The following ASAP2 variants were observed in gnomAD, a reference collection of about 807,000 sequenced individuals.
The protein encoded by ASAP2 is ArfGAP with SH3 domain, ankyrin repeat and PH domain 2, also known as arf-GAP with SH3 domain, ANK repeat and PH domain-containing protein 2.
ASAP2 carries 45 observed loss-of-function variants against 131.4 expected under a neutral mutation model. The ratio of observed to expected loss-of-function variants is 0.34; its 90% CI spans 0.27 to 0.44. The LOEUF (loss-of-function observed/expected upper bound fraction) is 0.44. ASAP2 is among the 20% of genes least tolerant of loss of function. The pLI is 1.00. For missense variants in ASAP2, 1,011 were observed against 1,297.0 expected, an observed-to-expected ratio of 0.78 and a Z score of 3.39; for synonymous variants, 510 against 503.0, an observed-to-expected ratio of 1.01 and a Z score of -0.19.
At chr2:9,258,209 C>G (rs1052170664) in intron 1 of ASAP2, among the ~76,000 whole-genome samples, 2 of 148,340 alleles carry the variant, frequency 1.3e-5, no homozygotes, top group African/African-American at 5.0e-5. Context: ...TGTGGGGGCT[C>G]ACGCCTGGCT....
chr2:9,255,018 G>C (rs1401802447), intron 1 of ASAP2, among the ~76,000 whole-genome samples: 3 of 152,216 alleles, frequency 2.0e-5, no homozygotes, highest in African/African-American at 7.2e-5. Flanking sequence ...ATTTTCCAAA[G>C]TGGCTGCATC....
At chr2:9,369,870 C>T (rs749702782) in intron 16 of ASAP2, among the ~76,000 whole-genome samples, 1 of 151,972 alleles carries the variant, frequency 6.6e-6, no homozygotes, top group Non-Finnish European at 1.5e-5. Context: ...TTTTCCCCTT[C>T]AAGACCTCTT....
At chr2:9,261,445 G>T (rs1018695735) in intron 1 of ASAP2, among the ~76,000 whole-genome samples, 1 of 152,218 alleles carries the variant, frequency 6.6e-6, no homozygotes, top group African/African-American at 2.4e-5. Flanking sequence ...ACAAGTGGTT[G>T]TAAATATTGC....
intron 1 of ASAP2, among the ~76,000 whole-genome samples, chr2:9,270,942 G>C (rs1227691595): frequency 6.6e-6 from 1 of 151,476 alleles, no homozygotes; most frequent in Non-Finnish European, 1.5e-5. Flanking sequence ...ACAGGTGCCC[G>C]CCACTACGCC....
At chr2:9,210,552 A>G (rs1661457109) in intron 1 of ASAP2, among the ~76,000 whole-genome samples, 1 of 151,780 alleles carries the variant, frequency 6.6e-6, no homozygotes, top group African/African-American at 2.4e-5. Flanking sequence ...TGTATCTGTT[A>G]ACCCATGTGT....
chr2:9,253,710 C>T (rs1572260743), intron 1 of ASAP2, among the ~76,000 whole-genome samples: 1 of 152,066 alleles, frequency 6.6e-6, no homozygotes, highest in East Asian at 1.9e-4. Flanking sequence ...ACCTAGTGCC[C>T]TGGAGATTAC....
intron 16 of ASAP2, among the ~76,000 whole-genome samples, chr2:9,369,141 C>A (rs958851242): frequency 2.0e-5 from 3 of 152,072 alleles, no homozygotes; most frequent in Non-Finnish European, 4.4e-5. Context: ...GCCTCAGCCT[C>A]CCAAGTAGCT....
intron 1 of ASAP2, among the ~76,000 whole-genome samples, chr2:9,211,110 G>A (rs957016197): frequency 1.1e-4 from 16 of 151,766 alleles, no homozygotes; most frequent in African/African-American, 3.4e-4. Flanking sequence ...AGTCGAGATC[G>A]TGCCATTGCA....
At position 9,289,404 on chromosome 2, in the gene ASAP2, T is replaced by C. The variant is rs13421131; in HGVS notation, c.200-7896T>C. Among the ~76,000 whole-genome samples the C allele has an allele frequency of 5.6e-3, 854 of 152,334 alleles. 8 individuals carry two copies. The highest frequency in any genetic ancestry group is 0.015 in the African/African-American group (631 of 41,564). ...GTGTTCATTAGTGCTTGCTGGAGAATAGACTTTCAGTGTGATTGGATTTTA... is the reference window on the plus strand; with the variant it reads ...GTGTTCATTAGTGCTTGCTGGAGAACAGACTTTCAGTGTGATTGGATTTTA... On this transcript the variant is annotated intron_variant, in intron 2 of 27. Transcript: ENST00000281419.
At chr2:9,235,281 C>T (rs2148044825) in intron 1 of ASAP2, among the ~76,000 whole-genome samples, 1 of 152,242 alleles carries the variant, frequency 6.6e-6, no homozygotes, top group East Asian at 1.9e-4. Flanking sequence ...ACCAGTGTGG[C>T]AGGGATGGAG....
At chr2:9,301,567 C>T (rs13429635) in intron 3 of ASAP2, among the ~76,000 whole-genome samples, 1 of 152,164 alleles carries the variant, frequency 6.6e-6, no homozygotes, top group Non-Finnish European at 1.5e-5. Flanking sequence ...GGGCAGGTTT[C>T]TGAAAGGTTT....
chr2:9,232,432 A>G lies in ASAP2; in HGVS notation c.126+25202A>G, dbSNP rs1223261213. Among the ~76,000 whole-genome samples, 1 of 152,214 alleles carries G rather than the reference A, an allele frequency of 6.6e-6. No homozygotes were observed. The highest frequency in any genetic ancestry group is 2.4e-5 in the African/African-American group (1 of 41,464). Reference sequence around the variant, plus strand: ...GTACCCCTTTCGCAGCTGACTGTCCACATTATACTGTCTGTATCTGTTATT... The same window carrying G: ...GTACCCCTTTCGCAGCTGACTGTCCGCATTATACTGTCTGTATCTGTTATT... On this transcript the variant is annotated intron_variant, in intron 1 of 27. Transcript: ENST00000281419. This position sits in a 1 kb window ranked among gnomAD's most constrained non-coding sequence, Gnocchi z 4.1.
intron 1 of ASAP2, among the ~76,000 whole-genome samples, chr2:9,230,654 G>A (rs940231726): frequency 2.0e-5 from 3 of 152,226 alleles, no homozygotes; most frequent in African/African-American, 7.2e-5. Flanking sequence ...GCTGCTTGGC[G>A]AGGAGGACGG....
chr2:9,401,674 T>A lies in ASAP2; in HGVS notation c.2946+278T>A, dbSNP rs193110146. Among the ~76,000 whole-genome samples, 45 of 152,256 alleles carry A rather than the reference T, an allele frequency of 3.0e-4. No individual in the cohort carries two copies. The East Asian group carries it at 8.3e-3, about 28-fold the overall frequency. Reference sequence around the variant, plus strand: ...GAAATGACACTCCTTCATTTTGAGGTCTTGAGTTTCTAGGTCATCACCCCC... The same window carrying A: ...GAAATGACACTCCTTCATTTTGAGGACTTGAGTTTCTAGGTCATCACCCCC... On this transcript the variant is annotated intron_variant, in intron 27 of 27. Coordinates refer to ENST00000281419, the MANE Select transcript of ASAP2 (RefSeq NM_003887.3).
chr2:9,384,094 A>G (rs59204833), intron 20 of ASAP2, among the ~76,000 whole-genome samples: 5,166 of 152,306 alleles, frequency 0.034, 258 homozygotes, highest in African/African-American at 0.11. Context: ...GCACACCAAC[A>G]TGGCACATTT....
chr2:9,361,030 T>G (rs1258299442), intron 15 of ASAP2, among the ~76,000 whole-genome samples: 9 of 152,234 alleles, frequency 5.9e-5, no homozygotes, highest in African/African-American at 1.9e-4. Context: ...TTGTTCTGTC[T>G]TGATGAAACG....
chr2:9,245,640 G>A (rs1664285805), intron 1 of ASAP2, among the ~76,000 whole-genome samples: 1 of 152,180 alleles, frequency 6.6e-6, no homozygotes, highest in African/African-American at 2.4e-5. Flanking sequence ...AATACCTACT[G>A]GGTGCTGGTG....
intron 1 of ASAP2, among the ~76,000 whole-genome samples, chr2:9,243,485 G>A (rs1207656162): frequency 6.6e-6 from 1 of 152,186 alleles, no homozygotes; most frequent in East Asian, 1.9e-4. Context: ...CGGAAAATGT[G>A]ACTGAGTCAG....
rs374854043 is a variant in ASAP2 at position 9,391,118 on chromosome 2, G to A, written c.2440G>A (p.Gly814Ser). The change falls in exon 23 of 28, where the codon GGT (glycine) becomes AGT (serine). Residue 814 changes from glycine (G) to serine (S), a missense_variant. Gly to Ser is a moderately conservative substitution (Grantham distance 56). Around this residue, in one of 2 missense-constraint regions of ASAP2, gnomAD observed 652 missense variants for 698.9 expected, o/e 0.93. Transcript: ENST00000281419. ...GAAGACAAACTCTGTAAGTGTGGACGGTGGAAGCCGGCAGCGATCTTCGTC... is the reference window on the plus strand; with the variant it reads ...GAAGACAAACTCTGTAAGTGTGGACAGTGGAAGCCGGCAGCGATCTTCGTC... The part of the protein sequence containing the change: ...LWKTNSVSVD[G>S]GSRQRSSSDP... 4.3e-6 allele frequency: 7 copies of A among 1,613,842 alleles called. No homozygotes were observed. The highest frequency in any genetic ancestry group is 2.7e-5 in the African/African-American group (2 of 74,836).
Sources: gnomAD v4.1 joint callset for allele counts (sites outside exome capture counted in the v4.1 genomes callset) on GRCh38, gnomAD v4.1.1 for gene constraint, gnomAD v4.1.1 regional missense constraint, Gnocchi (gnomAD v3.1) non-coding constraint, MANE v1.5 for transcripts, NCBI Gene and HGNC (gene_info 2026-07-23, HGNC 2026-07-21) for gene names.